LUZP1: variants seen among roughly 807,000 people sequenced by gnomAD.
The protein encoded by LUZP1 is leucine zipper protein 1.
In LUZP1, 25 loss-of-function variants were observed where a neutral mutation model predicts 71.3. The ratio of observed to expected loss-of-function variants is 0.35; its 90% CI spans 0.26 to 0.49. The LOEUF (loss-of-function observed/expected upper bound fraction) is 0.49. Among genes scored for constraint, LUZP1 ranks in the 20% least tolerant of loss-of-function variants. LUZP1 has a pLI of 0.99. For synonymous variants in LUZP1, 481 were observed against 506.4 expected, an observed-to-expected ratio of 0.95 and a Z score of 0.67; for missense variants, 1,142 against 1,300.8, an observed-to-expected ratio of 0.88 and a Z score of 1.88.
At chr1:23,091,511 A>C in exon 4 of LUZP1, 1 of 1,614,132 alleles carries the variant, frequency 6.2e-7, no homozygotes, top group Non-Finnish European at 8.5e-7. Flanking sequence ...GCACAGTAAC[A>C]TGTCTGGCAT....
chr1:23,134,025 CA>C (rs1644234793), intron 2 of LUZP1, among the ~76,000 whole-genome samples: 1 of 152,192 alleles, frequency 6.6e-6, no homozygotes, highest in Non-Finnish European at 1.5e-5. Flanking sequence ...TGCTCTAGAT[CA>C]GGGGTCTGCA....
At chr1:23,157,138 G>A (rs1644426491) in intron 2 of LUZP1, among the ~76,000 whole-genome samples, 1 of 152,218 alleles carries the variant, frequency 6.6e-6, no homozygotes, top group African/African-American at 2.4e-5. Flanking sequence ...TTGCAGACCA[G>A]CCTGGCAACA....
chr1:23,142,032 G>A (rs1045696190), intron 2 of LUZP1, among the ~76,000 whole-genome samples: 3 of 151,508 alleles, frequency 2.0e-5, no homozygotes, highest in Non-Finnish European at 4.4e-5. Context: ...TTTTAGTAGA[G>A]ACAGGGTTTC....
intron 2 of LUZP1, among the ~76,000 whole-genome samples, chr1:23,151,055 A>T (rs1644379379): frequency 6.6e-6 from 1 of 151,854 alleles, no homozygotes; most frequent in Admixed American, 6.6e-5. Context: ...TTGTTTGTTT[A>T]TTTTTTTAGG....
chr1:23,165,997 T>C (rs1328224615), intron 2 of LUZP1, among the ~76,000 whole-genome samples: 1 of 144,944 alleles, frequency 6.9e-6, no homozygotes, highest in Non-Finnish European at 1.5e-5. Flanking sequence ...TAGAGGCATA[T>C]AGTACATACC....
At chr1:23,147,099 A>T (rs1460488564) in intron 2 of LUZP1, among the ~76,000 whole-genome samples, 5 of 144,528 alleles carry the variant, frequency 3.5e-5, no homozygotes, top group African/African-American at 1.3e-4. Context: ...TCCGTCTCAA[A>T]AATAATAATA....
At chr1:23,090,610 C>T (rs1411924373) in intron 4 of LUZP1, 5 of 539,258 alleles carry the variant, frequency 9.3e-6, no homozygotes. Context: ...TAATATGAGA[C>T]AGACAGCTGT....
chr1:23,087,593 T>TA (rs1232831674), exon 5 of LUZP1: 3 of 152,636 alleles, frequency 2.0e-5, no homozygotes, highest in Non-Finnish European at 4.4e-5. Context: ...GTCTACTTCA[T>TA]AAAGGTAGCC....
intron 2 of LUZP1, among the ~76,000 whole-genome samples, chr1:23,139,022 A>G: frequency 1.1e-5 from 1 of 94,164 alleles, no homozygotes; most frequent in East Asian, 3.3e-4. Context: ...AAAAAAAAAT[A>G]TATATATATA....
chr1:23,130,842 G>A (rs191526257), intron 2 of LUZP1, among the ~76,000 whole-genome samples: 107 of 151,926 alleles, frequency 7.0e-4, no homozygotes, highest in African/African-American at 2.4e-3. Flanking sequence ...CATTCTCTCT[G>A]AGACCTCTCA....
intron 2 of LUZP1, among the ~76,000 whole-genome samples, chr1:23,150,277 G>A (rs1344656886): frequency 1.3e-5 from 2 of 152,104 alleles, no homozygotes; most frequent in African/African-American, 4.8e-5. Context: ...GGAGAGAACA[G>A]ATGGTAAGGA....
At chr1:23,136,075 C>A (rs1644250803) in intron 2 of LUZP1, among the ~76,000 whole-genome samples, 1 of 152,028 alleles carries the variant, frequency 6.6e-6, no homozygotes, top group African/African-American at 2.4e-5. Context: ...CTTTTTTGTG[C>A]CTCTAATTCA....
At chr1:23,126,910 C>T (rs1644176442) in intron 2 of LUZP1, among the ~76,000 whole-genome samples, 1 of 152,188 alleles carries the variant, frequency 6.6e-6, no homozygotes, top group Admixed American at 6.5e-5. Flanking sequence ...TAGATGTTTC[C>T]ACATGCCTTA....
intron 2 of LUZP1, among the ~76,000 whole-genome samples, chr1:23,117,614 G>C (rs1644095900): frequency 6.6e-6 from 1 of 151,328 alleles, no homozygotes; most frequent in Admixed American, 6.6e-5. Flanking sequence ...GGGGCCAGAG[G>C]TATAATAAGG....
intron 4 of LUZP1, among the ~76,000 whole-genome samples, chr1:23,090,115 A>G (rs1259182394): frequency 7.6e-6 from 1 of 131,034 alleles, no homozygotes; most frequent in Non-Finnish European, 1.6e-5. Context: ...AGATCAAAGA[A>G]TAACATAGGC....
At chr1:23,169,556 C>T (rs138937372) in intron 1 of LUZP1, among the ~76,000 whole-genome samples, 15 of 152,306 alleles carry the variant, frequency 9.8e-5, no homozygotes, top group Non-Finnish European at 2.2e-4. Context: ...TTGTGTGATG[C>T]TAGACAAGTA....
At chr1:23,170,017 C>T (rs1644540744) in intron 1 of LUZP1, among the ~76,000 whole-genome samples, 1 of 151,934 alleles carries the variant, frequency 6.6e-6, no homozygotes, top group East Asian at 1.9e-4. Context: ...ATCCAAACTT[C>T]TCTTAGCACA....
At position 23,170,842 on chromosome 1, in the gene LUZP1, AGGATCACTTGAGTCCAGGGGGAT is replaced by A. The variant is rs75557408; in HGVS notation, c.-484-1841_-484-1819del. On this transcript the variant is annotated intron_variant, in intron 1 of 4. Coordinates refer to ENST00000302291, the Ensembl canonical transcript of LUZP1. The stretch of plus-strand genomic sequence containing the variant: ...ATGCCTGCAATCCCACCACTTTGGG[AGGATCACTTGAGTCCAGGGGGAT>A]GGATCACTTGAGTCCAGGAGTTTGA... Among the ~76,000 whole-genome samples the A allele has an allele frequency of 2.4e-3, 367 of 151,996 alleles. 2 individuals carry two copies. The highest frequency in any genetic ancestry group is 3.4e-3 in the Non-Finnish European group (234 of 67,972).
chr1:23,097,862 CAGAT>C (rs999602782), intron 3 of LUZP1, among the ~76,000 whole-genome samples: 8 of 151,950 alleles, frequency 5.3e-5, no homozygotes, highest in African/African-American at 1.7e-4. Flanking sequence ...AGCAGATAGA[CAGAT>C]AGATAGATAG....
Sources: gnomAD v4.1 joint callset for allele counts (sites outside exome capture counted in the v4.1 genomes callset) on GRCh38, gnomAD v4.1.1 for gene constraint, MANE v1.5 for transcripts, NCBI Gene and HGNC (gene_info 2026-07-23, HGNC 2026-07-21) for gene names.